The following DMBT1 variants were observed in gnomAD, a reference collection of about 807,000 sequenced individuals.
DMBT1 encodes the protein scavenger receptor cysteine-rich domain-containing protein DMBT1.
In DMBT1, 198 loss-of-function variants were observed where a neutral mutation model predicts 252.9. The ratio of observed to expected loss-of-function variants is 0.78; its 90% CI spans 0.70 to 0.88. DMBT1 has a LOEUF of 0.88. Among genes scored for constraint, DMBT1 ranks in the 40% least tolerant of loss-of-function variants. The pLI is 0.00. For synonymous variants in DMBT1, 990 were observed against 942.7 expected (o/e 1.05, Z -0.92); for missense variants, 2,432 against 2,404.7 (o/e 1.01, Z -0.24).
In DMBT1 at chr10:122,598,814, T is replaced by C. The variant is rs1021053357; in HGVS notation, c.2997T>C (p.Gly999=). ...SSLALRLVNG[G]DRCQGRVEVL... ...TGGCCCTGAGGCTGGTGAATGGAGG[T>C]GACAGGTGTCAGGGCCGAGTGGAGG... Residue 999 remains glycine (G), a synonymous_variant, in exon 26 of 56, where the codon GGT becomes GGC. Coordinates refer to ENST00000338354, the MANE Select transcript of DMBT1 (RefSeq NM_001377530.1). 5 of 1,613,338 alleles carry C rather than the reference T, an allele frequency of 3.1e-6. No individual in the cohort carries two copies. The highest frequency in any genetic ancestry group is 1.1e-5 in the South Asian group (1 of 91,040).
At position 122,591,609 on chromosome 10, in the gene DMBT1, C is replaced by T. The variant is rs909243946; in HGVS notation, c.2176+92C>T. The T allele has an allele frequency of 1.1e-5, 15 of 1,375,542 alleles. 2 individuals carry two copies. Among genetic ancestry groups the T allele is most frequent in the Non-Finnish European group, 1.3e-5 (13 of 989,274 alleles). The allele number at this position is 1,375,542 out of a possible 1,614,324, so 85.2% of individuals were successfully genotyped here. ...ATGATAGGATGAGGGTCAAGGTGGGCCCCTGTCTTTTTCACATCCCTGTGC... is the reference window on the plus strand; with the variant it reads ...ATGATAGGATGAGGGTCAAGGTGGGTCCCTGTCTTTTTCACATCCCTGTGC... On this transcript the variant is annotated intron_variant, in intron 19 of 55. Transcript: ENST00000338354.
chr10:122,590,236 G>T (rs970672591), intron 17 of DMBT1, among the ~76,000 whole-genome samples: 1 of 149,034 alleles, frequency 6.7e-6, no homozygotes, highest in Non-Finnish European at 1.5e-5. Flanking sequence ...GAGCACTGCA[G>T]CATCTTGCCT....
intron 3 of DMBT1, 47 bp downstream of exon 3, chr10:122,570,256 A>G: frequency 7.2e-7 from 1 of 1,393,882 alleles, no homozygotes; most frequent in South Asian, 1.2e-5. Context: ...ACCCCACTGC[A>G]CCCCTAGGTT....
At chr10:122,580,808 A>G in intron 10 of DMBT1, 58 bp from the exon 11 acceptor site, 4 of 1,606,102 alleles carry the variant, frequency 2.5e-6, no homozygotes, top group Non-Finnish European at 3.4e-6. Context: ...TCCTCGTTCC[A>G]GTTTTGCCGA....
chr10:122,636,056 T>C lies in DMBT1; in HGVS notation c.6614T>C (p.Leu2205Pro). ...GATGGCCCCTACCGCAGTTCCCCTC[T>C]CATTGCTCGAGTTTGTGATGGGGCC... is the stretch of plus-strand genomic sequence containing the variant. ...VFDGPYRSSP[L>P]IARVCDGARG... Residue 2205 changes from leucine to proline, a missense_variant, in exon 53 of 56, where the codon CTC (leucine) becomes CCC (proline). Transcript: ENST00000338354. 6.2e-7 allele frequency: 1 copy of C among 1,613,956 alleles called. No homozygotes were observed. The highest frequency in any genetic ancestry group is 8.5e-7 in the Non-Finnish European group (1 of 1,179,874).
intron 26 of DMBT1, 78 bp from the exon 27 acceptor site, chr10:122,599,986 A>T: frequency 1.9e-6 from 3 of 1,568,692 alleles, no homozygotes; most frequent in Non-Finnish European, 2.6e-6. Context: ...AGACTCGCCC[A>T]TTTCTTTCCC....
intron 52 of DMBT1, among the ~76,000 whole-genome samples, chr10:122,634,470 CTCTCTCTCTCTTTCTCTCTTTT>C (rs2098208183): frequency 1.0e-5 from 1 of 98,360 alleles, no homozygotes; most frequent in African/African-American, 5.8e-5. Flanking sequence ...CTCTCTCTCT[CTCTCTCTCTCTTTCTCTCTTTT>C]TCTTTCTTTC....
At chr10:122,588,227 A>T (rs1435188609) in intron 16 of DMBT1, among the ~76,000 whole-genome samples, 2 of 147,936 alleles carry the variant, frequency 1.4e-5, no homozygotes, top group African/African-American at 4.9e-5. Flanking sequence ...TTTTTTTCTG[A>T]AAATGAGAGG....
intron 17 of DMBT1, among the ~76,000 whole-genome samples, chr10:122,589,563 G>A (rs2097828145): frequency 6.7e-6 from 1 of 148,236 alleles, no homozygotes; most frequent in Admixed American, 6.7e-5. Context: ...AGTGTGGCTG[G>A]AAAGGAATGG....
At position 122,632,882 on chromosome 10, in the gene DMBT1, G is replaced by C. The variant is rs78385368; in HGVS notation, c.6389G>C (p.Arg2130Pro). The C allele has an allele frequency of 6.2e-7, 1 of 1,613,816 alleles. No individual in the cohort carries two copies. The highest frequency in any genetic ancestry group is 1.7e-5 in the Admixed American group (1 of 60,002). The change falls in exon 51 of 56, where the codon CGT becomes CCT. Residue 2130 changes from arginine (R) to proline (P), a missense_variant. Physicochemically the swap from Arg to Pro is moderately radical, Grantham distance 103. Around this residue, in one of 3 missense-constraint regions of DMBT1, gnomAD observed 1,162 missense variants for 1,169.0 expected, o/e 0.99. Coordinates refer to ENST00000338354, the MANE Select transcript of DMBT1 (RefSeq NM_001377530.1). The part of the protein sequence containing the change: ...STPAPFLNIT[R>P]PNTDYSCGGF... ...ACAGCTCCTTTTCTCAACATCACCCGTCCAAACAGTAAGTTCTGAGCTCCC... is the reference window on the plus strand; with the variant it reads ...ACAGCTCCTTTTCTCAACATCACCCCTCCAAACAGTAAGTTCTGAGCTCCC...
intron 4 of DMBT1, among the ~76,000 whole-genome samples, chr10:122,571,176 T>C (rs1335812333): frequency 6.6e-6 from 1 of 152,220 alleles, no homozygotes; most frequent in Non-Finnish European, 1.5e-5. Context: ...CTGTAAGTGA[T>C]GTCTGAATTG....
At chr10:122,593,022 A>T (rs1748662949) in intron 20 of DMBT1, among the ~76,000 whole-genome samples, 2 of 148,834 alleles carry the variant, frequency 1.3e-5, no homozygotes, top group African/African-American at 4.9e-5. Context: ...GCTGAGACCC[A>T]GTGAGGAGGT....
At chr10:122,622,974 A>G (rs1386597267) in intron 44 of DMBT1, among the ~76,000 whole-genome samples, 2 of 152,228 alleles carry the variant, frequency 1.3e-5, no homozygotes, top group South Asian at 2.1e-4. Flanking sequence ...GCTGTTGCCC[A>G]TGTTCATTAC....
At chr10:122,625,127 A>C (rs2098108082) in intron 44 of DMBT1, 150 bp from the exon 45 acceptor site, 1 of 738,214 alleles carries the variant, frequency 1.4e-6, no homozygotes, top group Non-Finnish European at 2.3e-6. Context: ...TTTGAGACTA[A>C]CCGTTAAGGT....
chr10:122,643,163 C>G lies in DMBT1; in HGVS notation c.7394C>G (p.Ser2465Cys). ...ACCTACGGACCCTACTCCTCGCCAT[C>G]TCTTCGCATTGCCCGCTTCCGGTTC... Reference protein sequence around the residue: ...DDTYGPYSSPSLRIARFRFRA... With the variant: ...DDTYGPYSSPCLRIARFRFRA... The change falls in exon 56 of 56, where the codon TCT (serine) becomes TGT (cysteine). Residue 2465 changes from serine (S) to cysteine (C), a missense_variant. Ser to Cys is a moderately radical substitution (Grantham distance 112). This residue lies in a region of DMBT1 where 1,162 missense variants were observed against 1,169.0 expected (regional missense o/e 0.99). Transcript: ENST00000338354. 1 of 1,614,012 alleles carries G rather than the reference C, an allele frequency of 6.2e-7. No homozygotes were observed.
intron 50 of DMBT1, 57 bp from the exon 51 acceptor site, chr10:122,632,804 G>A (rs537311991): frequency 6.9e-6 from 11 of 1,599,538 alleles, no homozygotes; most frequent in Non-Finnish European, 8.5e-6. Flanking sequence ...ATGAGCAGTC[G>A]ACAGCTGTGT....
chr10:122,631,054 G>A lies in DMBT1; in HGVS notation c.6119G>A (p.Cys2040Tyr), dbSNP rs2098161061. ...CATGGTGGCACCTGGGGGACAGTTT[G>A]TGATGACTCCTGGACCATTCAGGAA... is the stretch of plus-strand genomic sequence containing the variant. Reference protein sequence around the residue: ...IYHGGTWGTVCDDSWTIQEAE... With the variant: ...IYHGGTWGTVYDDSWTIQEAE... Residue 2040 changes from cysteine (C) to tyrosine (Y), a missense_variant, in exon 49 of 56, where the codon TGT becomes TAT. This residue lies in a region of DMBT1 where 1,162 missense variants were observed against 1,169.0 expected (regional missense o/e 0.99). Transcript: ENST00000338354. The A allele has an allele frequency of 6.2e-7, 1 of 1,613,982 alleles. No homozygotes were observed. The highest frequency in any genetic ancestry group is 8.5e-7 in the Non-Finnish European group (1 of 1,179,848).
intron 45 of DMBT1, 112 bp downstream of exon 45, chr10:122,625,415 C>A: frequency 1.0e-6 from 1 of 983,120 alleles, no homozygotes. Context: ...TAATTTCTCT[C>A]TGAGGACTCT....
At chr10:122,576,943 G>GC (rs1412569653) in intron 7 of DMBT1, among the ~76,000 whole-genome samples, 5 of 152,174 alleles carry the variant, frequency 3.3e-5, no homozygotes, top group Middle Eastern at 3.2e-3. Context: ...TCACTCCAGG[G>GC]CCCCCGCCCA....
Sources: gnomAD v4.1 joint callset for allele counts (sites outside exome capture counted in the v4.1 genomes callset) on GRCh38, gnomAD v4.1.1 for gene constraint, gnomAD v4.1.1 regional missense constraint, MANE v1.5 for transcripts, NCBI Gene and HGNC (gene_info 2026-07-23, HGNC 2026-07-21) for gene names.